NCAPD3: variants seen among roughly 807,000 people sequenced by gnomAD.
NCAPD3 encodes the protein non-SMC condensin II complex subunit D3, also known as condensin-2 complex subunit D3.
NCAPD3 carries 105 observed loss-of-function variants against 182.9 expected under a neutral mutation model. The observed-to-expected ratio is 0.57, with a 90% CI of 0.49 to 0.68. The LOEUF (loss-of-function observed/expected upper bound fraction) is 0.68. Among genes scored for constraint, NCAPD3 ranks in the 30% least tolerant of loss-of-function variants. The probability of loss-of-function intolerance (pLI) is 0.00; values close to 1 mark genes in which losing one functional copy is unlikely to be tolerated. For synonymous variants in NCAPD3, 815 were observed against 679.9 expected (o/e 1.20, Z -3.09); for missense variants, 1,944 against 1,837.0 (o/e 1.06, Z -1.07).
At chr11:134,223,782 C>A in intron 1 of NCAPD3, 81 bp downstream of exon 1, 1 of 1,524,676 alleles carries the variant, frequency 6.6e-7, no homozygotes. Flanking sequence ...CCCACCGGCA[C>A]CCCGGCCCGG....
intron 28 of NCAPD3, among the ~76,000 whole-genome samples, chr11:134,160,817 T>G (rs1290001155): frequency 6.6e-6 from 1 of 152,022 alleles, no homozygotes; most frequent in Non-Finnish European, 1.5e-5. Context: ...CACAGGCCAA[T>G]GAAGAGACTC....
chr11:134,210,168 C>T (rs1937777709), intron 4 of NCAPD3, 102 bp downstream of exon 4: 2 of 986,360 alleles, frequency 2.0e-6, no homozygotes, highest in East Asian at 4.8e-5. Flanking sequence ...GACCATTTGC[C>T]TATAATCATG....
At chr11:134,158,565 T>C in intron 29 of NCAPD3, 70 bp from the exon 30 acceptor site, 2 of 1,483,638 alleles carry the variant, frequency 1.3e-6, no homozygotes, top group Non-Finnish European at 1.8e-6. Flanking sequence ...TATATGATAG[T>C]TGTACATGGT....
chr11:134,208,244 A>G (rs998266986), intron 7 of NCAPD3, among the ~76,000 whole-genome samples: 1 of 152,282 alleles, frequency 6.6e-6, no homozygotes, highest in Admixed American at 6.5e-5. Context: ...ATTTTTTTGC[A>G]AAATCTTATT....
In NCAPD3 at chr11:134,158,248, CACGCTTGGGAATGGCAGGG is replaced by C. The variant is rs1943482205; in HGVS notation, c.4034+62_4034+80del. 3.2e-6 allele frequency: 5 copies of C among 1,568,336 alleles called. No homozygotes were observed. The Admixed American group carries it at 8.6e-5, about 27-fold the overall frequency. On this transcript the variant is annotated intron_variant, in intron 30 of 34. Coordinates refer to ENST00000534548, the MANE Select transcript of NCAPD3 (RefSeq NM_015261.3). ...AGACAATGACAATGACTTTCCTGCC[CACGCTTGGGAATGGCAGGG>C]ACGCCTCTGAGAACATCGCCACAGA...
At chr11:134,174,104 C>T (rs117934711) in intron 24 of NCAPD3, among the ~76,000 whole-genome samples, 42 of 152,132 alleles carry the variant, frequency 2.8e-4, no homozygotes, top group East Asian at 2.1e-3. Context: ...CACGAAAAAA[C>T]GTATTGCCTG....
intron 25 of NCAPD3, 103 bp downstream of exon 25, chr11:134,168,814 G>A: frequency 9.6e-6 from 14 of 1,456,384 alleles, no homozygotes; most frequent in East Asian, 2.3e-5. Flanking sequence ...AAGACCTGGG[G>A]CAGGGTCTGC....
In NCAPD3 at chr11:134,184,918, G is replaced by C; in HGVS notation, c.2320C>G (p.Arg774Gly). ...HIAKHLPKST[R>G]DKVTDAVKCK... ...AGACACTCACCAGTCACTTTGTCCC[G>C]GGTGCTCTTAGGAAGATGCTTTGCA... The change falls in exon 18 of 35, where the codon CGG becomes GGG. Residue 774 changes from arginine to glycine, a missense_variant. Physicochemically the swap from Arg to Gly is moderately radical, Grantham distance 125. Around this residue, in one of 3 missense-constraint regions of NCAPD3, gnomAD observed 1,803 missense variants for 1,674.6 expected, o/e 1.08. Coordinates refer to ENST00000534548, the MANE Select transcript of NCAPD3 (RefSeq NM_015261.3). 6.2e-7 allele frequency: 1 copy of C among 1,611,348 alleles called. No individual in the cohort carries two copies. The highest frequency in any genetic ancestry group is 2.2e-5 in the East Asian group (1 of 44,858).
chr11:134,177,080 G>T, intron 23 of NCAPD3, 139 bp downstream of exon 23: 1 of 681,742 alleles, frequency 1.5e-6, no homozygotes, highest in Non-Finnish European at 2.5e-6. Context: ...CATCAGAAGA[G>T]TAAAACTCCA....
intron 16 of NCAPD3, among the ~76,000 whole-genome samples, chr11:134,191,193 G>A (rs924866918): frequency 3.9e-5 from 6 of 152,124 alleles, no homozygotes; most frequent in Admixed American, 3.9e-4. Flanking sequence ...GCCCATGTTT[G>A]TTTGTTTGTT....
At chr11:134,186,512 T>A (rs1944408259) in intron 16 of NCAPD3, among the ~76,000 whole-genome samples, 2 of 152,354 alleles carry the variant, frequency 1.3e-5, no homozygotes, top group South Asian at 4.1e-4. Flanking sequence ...TGTGCCTGGC[T>A]GTCACTGTTG....
chr11:134,182,882 CA>C (rs1224345766), intron 19 of NCAPD3: 1 of 288,066 alleles, frequency 3.5e-6, no homozygotes, highest in Non-Finnish European at 7.0e-6. Context: ...AATATCCTAA[CA>C]TTCCAGACAA....
At chr11:134,225,391 CG>C (rs2136042935), upstream of NCAPD3, 1 of 1,597,014 alleles carries the variant, frequency 6.3e-7, no homozygotes, top group East Asian at 2.2e-5. Context: ...GACAGCCGGC[CG>C]GGGAGCAGGG....
intron 7 of NCAPD3, among the ~76,000 whole-genome samples, chr11:134,207,661 T>C (rs2096012517): frequency 6.7e-6 from 1 of 148,708 alleles, no homozygotes; most frequent in Non-Finnish European, 1.5e-5. Context: ...GGAGAATCAC[T>C]TGAACCTGGG....
At position 134,184,617 on chromosome 11, in the gene NCAPD3, C is replaced by T; in HGVS notation, c.2451+20G>A. 6.5e-7 allele frequency: 1 copy of T among 1,533,142 alleles called. No individual in the cohort carries two copies. The highest frequency in any genetic ancestry group is 8.9e-7 in the Non-Finnish European group (1 of 1,122,600). 95.0% of individuals were successfully genotyped at this position (1,533,142 alleles called of 1,614,324 possible). A position where few individuals can be genotyped will look rare whatever the true frequency, so the allele number is the denominator to read the frequency against. ...AAGCTCAAAGAAGTCAGAAACATGT[C>T]AGGGAAAGTCTGGCCATACCTGCTC... On this transcript the variant is annotated intron_variant, in intron 19 of 34. Coordinates refer to ENST00000534548, the MANE Select transcript of NCAPD3 (RefSeq NM_015261.3).
chr11:134,186,001 G>A (rs528189858), intron 16 of NCAPD3: 2 of 150,148 alleles, frequency 1.3e-5, no homozygotes, highest in South Asian at 2.1e-4. Context: ...TCCACCTCCC[G>A]GGTTCACACC....
chr11:134,178,537 C>G (rs986507572), intron 22 of NCAPD3, 97 bp downstream of exon 22: 1 of 931,950 alleles, frequency 1.1e-6, no homozygotes, highest in Non-Finnish European at 1.6e-6. Flanking sequence ...CACAGACAGG[C>G]TCCGCAGCCC....
intron 29 of NCAPD3, among the ~76,000 whole-genome samples, chr11:134,159,060 T>C (rs998238861): frequency 6.6e-6 from 1 of 152,242 alleles, no homozygotes. Flanking sequence ...TTCTTTACCA[T>C]TCATCCACTG....
At position 134,202,705 on chromosome 11, in the gene NCAPD3, A is replaced by T. The variant is rs1327267306; in HGVS notation, c.1615+111T>A. 3.8e-6 allele frequency: 3 copies of T among 785,756 alleles called. No individual in the cohort carries two copies. In the East Asian group the frequency reaches 8.0e-5, roughly 21 times the overall value. The allele number at this position is 785,756 out of a possible 1,614,324, so 48.7% of individuals were successfully genotyped here. A position where few individuals can be genotyped will look rare whatever the true frequency, so the allele number is the denominator to read the frequency against. On this transcript the variant is annotated intron_variant, in intron 13 of 34. Coordinates refer to ENST00000534548, the MANE Select transcript of NCAPD3 (RefSeq NM_015261.3). ...CGCCCAGCCAGCTGTTTCAACTCTT[A>T]GGGGTGAATAAATCAGAAAAAAAAA...
Sources: allele counts gnomAD v4.1 joint callset (sites outside exome capture counted in the v4.1 genomes callset), GRCh38; gene constraint gnomAD v4.1.1; regional missense constraint gnomAD v4.1.1; transcripts MANE v1.5; gene names NCBI Gene and HGNC (gene_info 2026-07-23, HGNC 2026-07-21).